COLGALT2: variants seen among roughly 807,000 people sequenced by gnomAD.
COLGALT2 encodes the protein collagen beta(1-O)galactosyltransferase 2.
A neutral mutation model predicts 73.4 loss-of-function variants in COLGALT2; 49 were observed. The observed-to-expected ratio is 0.67, with a 90% CI of 0.53 to 0.85. The LOEUF (loss-of-function observed/expected upper bound fraction) is 0.85. Ranked by LOEUF, COLGALT2 falls within the 40% of genes least tolerant of loss-of-function variation. The probability of loss-of-function intolerance (pLI) is 0.00; values close to 1 mark genes in which losing one functional copy is unlikely to be tolerated. For synonymous variants in COLGALT2, 295 were observed against 307.6 expected, an observed-to-expected ratio of 0.96 and a Z score of 0.43; for missense variants, 722 against 790.2, an observed-to-expected ratio of 0.91 and a Z score of 1.03.
At chr1:183,935,820 T>C (rs1669936325), downstream of COLGALT2, 3 of 983,676 alleles carry the variant, frequency 3.0e-6, no homozygotes, top group Non-Finnish European at 3.6e-6. Context: ...GCGGAAGCAA[T>C]TGACAATCAT....
intron 1 of COLGALT2, among the ~76,000 whole-genome samples, chr1:183,988,301 C>T (rs921041964): frequency 1.8e-4 from 28 of 152,146 alleles, no homozygotes; most frequent in African/African-American, 6.3e-4. Flanking sequence ...CCTCTCATTG[C>T]GCAGCAACTA....
downstream of COLGALT2, among the ~76,000 whole-genome samples, chr1:183,934,755 G>C (rs557011766): frequency 6.6e-6 from 1 of 152,270 alleles, no homozygotes; most frequent in African/African-American, 2.4e-5. Flanking sequence ...GGAGGGATTT[G>C]CTCCAATCAT....
chr1:183,933,624 CAGAG>C (rs10562111), downstream of COLGALT2, among the ~76,000 whole-genome samples: 7 of 150,684 alleles, frequency 4.6e-5, no homozygotes, highest in African/African-American at 1.7e-4. Flanking sequence ...CATCTAAGAA[CAGAG>C]AGAGAGAGAG....
chr1:183,931,757 T>A (rs1319188326), downstream of COLGALT2, among the ~76,000 whole-genome samples: 1 of 150,296 alleles, frequency 6.7e-6, no homozygotes, highest in Non-Finnish European at 1.5e-5. Flanking sequence ...AGTTCCAATT[T>A]CTTACACAAG....
chr1:184,001,259 T>A lies in COLGALT2; in HGVS notation c.264-22739A>T, dbSNP rs182054466. On this transcript the variant is annotated intron_variant, in intron 1 of 11. Transcript: ENST00000361927. ...CTGTTTTAAAGGTCTTCTACTTTTT[T>A]AAAAAAAATAAAATAAATATTTTTC... is the stretch of plus-strand genomic sequence containing the variant. 6.5e-3 allele frequency among the ~76,000 whole-genome samples: 988 copies of A among 152,194 alleles called. 9 individuals are homozygous for A. Among genetic ancestry groups the A allele is most frequent in the African/African-American group, 0.019 (790 of 41,552 alleles).
At position 183,978,427 on chromosome 1, in the gene COLGALT2, C is replaced by T. The variant is rs750726725; in HGVS notation, c.357G>A (p.Arg119=). 10 of 1,602,882 alleles carry T rather than the reference C, an allele frequency of 6.2e-6. No homozygotes were observed. The highest frequency in any genetic ancestry group is 8.5e-6 in the Non-Finnish European group (10 of 1,170,440). ...CTACTCACTCTGGTTCATCCATAGG[C>T]CTCCACTCCACATAGTGATAGAGTC... The part of the protein sequence containing the change: ...VQRLYHYVEW[R]PMDEPESYPD... The change falls in exon 2 of 12, where the codon AGG becomes AGA. Residue 119 remains arginine (R), a synonymous_variant. Transcript: ENST00000361927.
chr1:183,971,287 T>C (rs1259888338), intron 4 of COLGALT2, among the ~76,000 whole-genome samples: 1 of 152,180 alleles, frequency 6.6e-6, no homozygotes. Flanking sequence ...CCTGCTCTAG[T>C]AGAGACTAAC....
chr1:183,986,713 A>C (rs2102826545), intron 1 of COLGALT2, among the ~76,000 whole-genome samples: 1 of 152,340 alleles, frequency 6.6e-6, no homozygotes, highest in African/African-American at 2.4e-5. Context: ...ACTTCTCAAC[A>C]TTATGCCACA....
intron 1 of COLGALT2, among the ~76,000 whole-genome samples, chr1:183,990,401 C>T (rs61109809): frequency 0.012 from 1,778 of 152,308 alleles, 33 homozygotes; most frequent in African/African-American, 0.04. Context: ...TCCTCTGTGC[C>T]GGTGATCGTG....
rs573185494 is a variant in COLGALT2 at position 183,942,158 on chromosome 1, C to T, written c.1398-1371G>A. Among the ~76,000 whole-genome samples the T allele has an allele frequency of 5.3e-5, 8 of 152,126 alleles. No homozygotes were observed. The East Asian group carries it at 1.5e-3, about 29-fold the overall frequency. ...AGAGACGTGGTTTCACCGTGTTAGC[C>T]AGGATGGTCTCGATCTCCTGACCTC... On this transcript the variant is annotated intron_variant, in intron 10 of 11. Coordinates refer to ENST00000361927, the MANE Select transcript of COLGALT2 (RefSeq NM_015101.4).
intron 1 of COLGALT2, among the ~76,000 whole-genome samples, chr1:184,012,261 G>GTATTGTTTT (rs1234136047): frequency 6.6e-6 from 1 of 152,076 alleles, no homozygotes; most frequent in East Asian, 1.9e-4. Flanking sequence ...TAAAAACACT[G>GTATTGTTTT]TAAAATATTG....
At chr1:184,026,980 G>A (rs953193746) in intron 1 of COLGALT2, among the ~76,000 whole-genome samples, 1 of 152,076 alleles carries the variant, frequency 6.6e-6, no homozygotes, top group African/African-American at 2.4e-5. Flanking sequence ...GTTTTATACT[G>A]AGCCCCAGTG....
rs377335447 is a variant in COLGALT2 at position 183,936,383 on chromosome 1, C to G, written c.*2378G>C. 2.0e-6 allele frequency: 2 copies of G among 985,818 alleles called. No homozygotes were observed. The highest frequency in any genetic ancestry group is 9.4e-5 in the South Asian group (2 of 21,292). The allele number at this position is 985,818 out of a possible 1,614,324, so 61.1% of individuals were successfully genotyped here. On this transcript the variant is annotated 3_prime_UTR_variant, in exon 12 of 12. Coordinates refer to ENST00000361927, the MANE Select transcript of COLGALT2 (RefSeq NM_015101.4). ...CACTGCTTGGGATTCTAGACCTGAG[C>G]AGGGAGAAACAAACCGGGCTAAAGG... is the stretch of plus-strand genomic sequence containing the variant.
intron 1 of COLGALT2, among the ~76,000 whole-genome samples, chr1:184,027,008 T>C (rs1423520779): frequency 6.6e-6 from 1 of 152,148 alleles, no homozygotes; most frequent in African/African-American, 2.4e-5. Flanking sequence ...CTTCATACAG[T>C]GGGTAAAACA....
intron 1 of COLGALT2, among the ~76,000 whole-genome samples, chr1:184,012,720 A>T (rs1648851689): frequency 6.6e-6 from 1 of 152,202 alleles, no homozygotes; most frequent in South Asian, 2.1e-4. Context: ...AAAGCATGTG[A>T]TCTCTGTTTT....
intron 10 of COLGALT2, among the ~76,000 whole-genome samples, chr1:183,943,229 G>C (rs895005827): frequency 6.6e-6 from 1 of 152,194 alleles, no homozygotes; most frequent in African/African-American, 2.4e-5. Context: ...ATTTTCTGAG[G>C]GAACAAGTAT....
rs12733281 is a variant in COLGALT2 at position 183,956,527 on chromosome 1, G to A, written c.953-1689C>T. ...AAGCTTAATGTACCAGCTTCCTCCT[G>A]TTCATGATATTGTCTGAGGAGCTGT... On this transcript the variant is annotated intron_variant, in intron 6 of 11. Coordinates refer to ENST00000361927, the MANE Select transcript of COLGALT2 (RefSeq NM_015101.4). 3.5e-3 allele frequency among the ~76,000 whole-genome samples: 540 copies of A among 152,286 alleles called. 1 individual carries two copies. Among genetic ancestry groups the A allele is most frequent in the Middle Eastern group, 6.8e-3 (2 of 294 alleles).
chr1:184,013,331 C>A (rs1009115602), intron 1 of COLGALT2, among the ~76,000 whole-genome samples: 1 of 152,150 alleles, frequency 6.6e-6, no homozygotes, highest in Non-Finnish European at 1.5e-5. Flanking sequence ...AACAAACAAA[C>A]AAAACAGCAT....
At chr1:183,944,893 C>G (rs1418116298) in intron 9 of COLGALT2, among the ~76,000 whole-genome samples, 9 of 152,144 alleles carry the variant, frequency 5.9e-5, no homozygotes, top group Non-Finnish European at 1.2e-4. Flanking sequence ...GTTCAAGGGG[C>G]CTTTCTTCAG....
Sources: allele counts gnomAD v4.1 joint callset (sites outside exome capture counted in the v4.1 genomes callset), GRCh38; gene constraint gnomAD v4.1.1; transcripts MANE v1.5; gene names NCBI Gene and HGNC (gene_info 2026-07-23, HGNC 2026-07-21).